The following EML3 variants were observed in gnomAD, a reference collection of about 807,000 sequenced individuals.
EML3 encodes EMAP like 3.
EML3 carries 53 observed loss-of-function variants against 106.7 expected under a neutral mutation model. The observed-to-expected ratio is 0.50, with a 90% CI of 0.40 to 0.62. EML3 has a LOEUF of 0.62. Among genes scored for constraint, EML3 ranks in the 20% least tolerant of loss-of-function variants. The probability of loss-of-function intolerance (pLI) is 0.00; values close to 1 mark genes in which losing one functional copy is unlikely to be tolerated. For missense variants in EML3, 994 were observed against 1,209.1 expected, an observed-to-expected ratio of 0.82 and a Z score of 2.64; for synonymous variants, 499 against 489.6, an observed-to-expected ratio of 1.02 and a Z score of -0.25.
chr11:62,609,302 G>A (rs548142456), intron 6 of EML3, 52 bp downstream of exon 6: 16 of 1,538,032 alleles, frequency 1.0e-5, no homozygotes, highest in South Asian at 1.3e-5. Flanking sequence ...AAGGTAAGAG[G>A]GGTCCCAAGG....
At position 62,603,787 on chromosome 11, in the gene EML3, G is replaced by A; in HGVS notation, c.2199C>T (p.Asp733=). Residue 733 remains aspartate (D), a synonymous_variant, in exon 19 of 22, where the codon GAC becomes GAT. Coordinates refer to ENST00000394773, the MANE Select transcript of EML3 (RefSeq NM_153265.3). ...TGATGAAATTCCCATCCTTGGACCA[G>A]TCAAGATGAGTGATGAAGCTGGAGT... is the stretch of plus-strand genomic sequence containing the variant. The part of the protein sequence containing the change: ...MGHSSFITHL[D]WSKDGNFIMS... The A allele has an allele frequency of 6.2e-7, 1 of 1,614,158 alleles. No homozygotes were observed. The highest frequency in any genetic ancestry group is 8.5e-7 in the Non-Finnish European group (1 of 1,180,036).
At chr11:62,607,571 TG>T in intron 11 of EML3, 94 bp downstream of exon 11, 1 of 1,345,080 alleles carries the variant, frequency 7.4e-7, no homozygotes, top group Non-Finnish European at 9.9e-7. Flanking sequence ...CAGGGGCAGG[TG>T]GGGGTTAGGG....
Position 62,612,482 on chromosome 11 carries a change from GC to G in EML3, c.-26del. The G allele has an allele frequency of 7.1e-7, 1 of 1,413,448 alleles. No homozygotes were observed. The highest frequency in any genetic ancestry group is 9.2e-7 in the Non-Finnish European group (1 of 1,090,328). 87.6% of individuals were successfully genotyped at this position (1,413,448 alleles called of 1,614,324 possible). A position where few individuals can be genotyped will look rare whatever the true frequency, so the allele number is the denominator to read the frequency against. ...TCCGGCCCCCGGGTTGCTCCGAGCG[GC>G]GGCGGCGGAGGAGGCGTCTAAGCCG... On this transcript the variant is annotated 5_prime_UTR_variant, in exon 1 of 22. Transcript: ENST00000394773.
chr11:62,608,811 G>A lies in EML3; in HGVS notation c.930-6C>T. The A allele has an allele frequency of 3.2e-6, 5 of 1,568,940 alleles. No individual in the cohort carries two copies. Among genetic ancestry groups the A allele is most frequent in the Non-Finnish European group, 4.3e-6 (5 of 1,154,960 alleles). On this transcript the variant is annotated splice_polypyrimidine_tract_variant and splice_region_variant and intron_variant, in intron 7 of 21. Coordinates refer to ENST00000394773, the MANE Select transcript of EML3 (RefSeq NM_153265.3). ...CATCAGGGTGAACAGCAAGGCTAAG[G>A]CAGGGGGAAGACACTCTAGGGAAAG... is the stretch of plus-strand genomic sequence containing the variant.
chr11:62,602,718 C>T, intron 21 of EML3, 40 bp from the exon 22 acceptor site: 1 of 1,602,800 alleles, frequency 6.2e-7, no homozygotes. Context: ...GCTGAGCCCT[C>T]GGGCCCACCG....
Position 62,611,107 on chromosome 11 carries a change from C to A in EML3, c.432G>T (p.Gln144His), listed in dbSNP as rs1323697974. 6.3e-7 allele frequency: 1 copy of A among 1,596,856 alleles called. No individual in the cohort carries two copies. The highest frequency in any genetic ancestry group is 8.5e-7 in the Non-Finnish European group (1 of 1,177,230). The change falls in exon 3 of 22, where the codon CAG becomes CAT. Residue 144 changes from glutamine to histidine, a missense_variant. By Grantham distance (24) the Gln-to-His change is conservative (BLOSUM62 0). Coordinates refer to ENST00000394773, the MANE Select transcript of EML3 (RefSeq NM_153265.3). ...PGPPGILRPL[Q>H]PPQRADTPRR... The stretch of plus-strand genomic sequence containing the variant: ...CCTACGTGTCAGCACGCTGTGGGGG[C>A]TGCAAGGGCCTGAGGATCCCCGGGG...
chr11:62,608,307 G>A lies in EML3; in HGVS notation c.1111-11C>T, dbSNP rs538305519. The A allele has an allele frequency of 6.2e-7, 1 of 1,612,736 alleles. No homozygotes were observed. Among genetic ancestry groups the A allele is most frequent in the African/African-American group, 1.3e-5 (1 of 75,030 alleles). On this transcript the variant is annotated splice_polypyrimidine_tract_variant and intron_variant, in intron 9 of 21. Transcript: ENST00000394773. ...AAAGGCACCCTGATCCTGAAGAAGG[G>A]TGACACATAGGAGGTGCAGAGTGAA...
chr11:62,602,256 C>G lies in EML3; in HGVS notation c.*219G>C. 1 of 1,545,772 alleles carries G rather than the reference C, an allele frequency of 6.5e-7. No homozygotes were observed. Among genetic ancestry groups the G allele is most frequent in the Non-Finnish European group, 8.7e-7 (1 of 1,144,186 alleles). On this transcript the variant is annotated 3_prime_UTR_variant, in exon 22 of 22. Coordinates refer to ENST00000394773, the MANE Select transcript of EML3 (RefSeq NM_153265.3). Reference sequence around the variant, plus strand: ...TGGTTTATTGCCCCTCAGCAGGCAGCGGGAGTCAAGGCCTAGGCTGGGGCT... The same window carrying G: ...TGGTTTATTGCCCCTCAGCAGGCAGGGGGAGTCAAGGCCTAGGCTGGGGCT...
chr11:62,609,346 C>G lies in EML3; in HGVS notation c.758+8G>C. The G allele has an allele frequency of 6.4e-7, 1 of 1,559,568 alleles. No homozygotes were observed. The highest frequency in any genetic ancestry group is 8.7e-7 in the Non-Finnish European group (1 of 1,153,238). Reference sequence around the variant, plus strand: ...GTGGTTCTCATGGGACTGGAAGGGGCAGGATACACCCAGTCAAGGCTGAGG... The same window carrying G: ...GTGGTTCTCATGGGACTGGAAGGGGGAGGATACACCCAGTCAAGGCTGAGG... On this transcript the variant is annotated splice_region_variant and intron_variant, in intron 6 of 21. Transcript: ENST00000394773.
chr11:62,603,353 T>A, intron 19 of EML3, 106 bp from the exon 20 acceptor site: 2 of 1,044,682 alleles, frequency 1.9e-6, no homozygotes, highest in Non-Finnish European at 2.9e-6. Flanking sequence ...GGCGATGGCA[T>A]GTGATCTGGT....
chr11:62,602,367 A>G lies in EML3; in HGVS notation c.*108T>C, dbSNP rs1036952426. ...AAAATGCGCGATCGGGAATGTCTCG[A>G]AGTCAGTCCAGGAAAGAGTCGGCCC... On this transcript the variant is annotated 3_prime_UTR_variant, in exon 22 of 22. Coordinates refer to ENST00000394773, the MANE Select transcript of EML3 (RefSeq NM_153265.3). 2.6e-6 allele frequency: 4 copies of G among 1,551,030 alleles called. No homozygotes were observed. The highest frequency in any genetic ancestry group is 3.5e-6 in the Non-Finnish European group (4 of 1,146,732).
Position 62,602,521 on chromosome 11 carries a change from G to C in EML3, c.2645C>G (p.Pro882Arg). ...GGGGGACAGGGAGGGGGTTCGAGAG[G>C]GCGTGGCGGGCGCCGGCCCCGCGCC... ...AGGAGPAPAT[P>R]SRTPSLSPAS... The change falls in exon 22 of 22, where the codon CCC becomes CGC. Residue 882 changes from proline (P) to arginine (R), a missense_variant. Around this residue, in one of 3 missense-constraint regions of EML3, gnomAD observed 713 missense variants for 920.5 expected, o/e 0.77. Coordinates refer to ENST00000394773, the MANE Select transcript of EML3 (RefSeq NM_153265.3). The C allele has an allele frequency of 6.7e-7, 1 of 1,496,518 alleles. No individual in the cohort carries two copies. Among genetic ancestry groups the C allele is most frequent in the Non-Finnish European group, 8.9e-7 (1 of 1,122,688 alleles). 92.7% of individuals were successfully genotyped at this position (1,496,518 alleles called of 1,614,324 possible).
Position 62,605,934 on chromosome 11 carries a change from C to G in EML3, c.1703G>C (p.Gly568Ala). ...GAVRAIAEGL[G>A]SELLVGTTKN... ...CGTGGTTCCCACCAGCAGCTCAGAG[C>G]CAAGCCCTTCAGCAATGGCTCGCAC... The change falls in exon 14 of 22, where the codon GGC becomes GCC. Residue 568 changes from glycine (G) to alanine (A), a missense_variant. This residue lies in a region of EML3 where 713 missense variants were observed against 920.5 expected (regional missense o/e 0.77). Coordinates refer to ENST00000394773, the MANE Select transcript of EML3 (RefSeq NM_153265.3). This position sits in a 1 kb window ranked among gnomAD's most constrained non-coding sequence, Gnocchi z 5.2. The G allele has an allele frequency of 6.2e-7, 1 of 1,614,218 alleles. No homozygotes were observed. The highest frequency in any genetic ancestry group is 8.5e-7 in the Non-Finnish European group (1 of 1,180,056).
chr11:62,609,133 CTG>C lies in EML3; in HGVS notation c.759-3_759-2del. 1 of 1,613,864 alleles carries C rather than the reference CTG, an allele frequency of 6.2e-7. No homozygotes were observed. Among genetic ancestry groups the C allele is most frequent in the Non-Finnish European group, 8.5e-7 (1 of 1,179,992 alleles). The stretch of plus-strand genomic sequence containing the variant: ...GGAGTCACGACCCCTGTACCCATAA[CTG>C]GGGTGGAGATCACGGTCAAGGAAAG... On this transcript the variant is annotated splice_acceptor_variant and splice_polypyrimidine_tract_variant and intron_variant, in intron 6 of 21. Transcript: ENST00000394773. LOFTEE classifies it high-confidence loss of function.
intron 16 of EML3, chr11:62,604,776 C>G (rs1479226101): frequency 4.7e-6 from 1 of 213,432 alleles, no homozygotes; most frequent in Non-Finnish European, 9.5e-6. Context: ...AAACTACAGA[C>G]CAGGGGCCGA....
At chr11:62,612,313 C>A in intron 1 of EML3, 123 bp downstream of exon 1, 1 of 992,298 alleles carries the variant, frequency 1.0e-6, no homozygotes. Flanking sequence ...GTGGAGGATG[C>A]TCGGAGCCCC....
At position 62,605,569 on chromosome 11, in the gene EML3, G is replaced by A; in HGVS notation, c.1914+73C>T. On this transcript the variant is annotated intron_variant, in intron 15 of 21. Coordinates refer to ENST00000394773, the MANE Select transcript of EML3 (RefSeq NM_153265.3). This position sits in a 1 kb window ranked among gnomAD's most constrained non-coding sequence, Gnocchi z 5.2. ...ACCTCTGGGAGGCAGAAGGCAAGGTGCTGGGGAAGGCGTGGTGGCCACAGG... is the reference window on the plus strand; with the variant it reads ...ACCTCTGGGAGGCAGAAGGCAAGGTACTGGGGAAGGCGTGGTGGCCACAGG... 6.7e-7 allele frequency: 1 copy of A among 1,495,628 alleles called. No individual in the cohort carries two copies. Among genetic ancestry groups the A allele is most frequent in the Non-Finnish European group, 8.9e-7 (1 of 1,123,170 alleles). The allele number at this position is 1,495,628 out of a possible 1,614,324, so 92.6% of individuals were successfully genotyped here. A position where few individuals can be genotyped will look rare whatever the true frequency, so the allele number is the denominator to read the frequency against.
At chr11:62,612,290 G>A in intron 1 of EML3, 146 bp downstream of exon 1, 2 of 775,724 alleles carry the variant, frequency 2.6e-6, no homozygotes, top group Admixed American at 3.1e-5. Context: ...TAGGGAGGGC[G>A]ACCGGAGGAA....
chr11:62,611,752 G>A (rs1328451737), intron 1 of EML3, 156 bp from the exon 2 acceptor site: 5 of 856,988 alleles, frequency 5.8e-6, no homozygotes, highest in African/African-American at 5.1e-5. Flanking sequence ...GGAGACGGTG[G>A]TAAAGGATCA....
Sources: gnomAD v4.1 joint callset for allele counts on GRCh38, gnomAD v4.1.1 for gene constraint, gnomAD v4.1.1 regional missense constraint, Gnocchi (gnomAD v3.1) non-coding constraint, MANE v1.5 for transcripts, NCBI Gene and HGNC (gene_info 2026-07-23, HGNC 2026-07-21) for gene names.